ACO1: variants seen among roughly 807,000 people sequenced by gnomAD.
ACO1 encodes aconitase 1, also known as cytoplasmic aconitate hydratase.
ACO1 carries 78 observed loss-of-function variants against 105.1 expected under a neutral mutation model. That is an observed-to-expected ratio of 0.74 (90% CI 0.62 to 0.90). The LOEUF (loss-of-function observed/expected upper bound fraction) is 0.90, where lower values mean the gene tolerates loss of function less well. ACO1 is among the 40% of genes least tolerant of loss of function. The pLI, the probability that ACO1 is intolerant of heterozygous loss-of-function variation, is 0.00. For missense variants in ACO1, 965 were observed against 1,111.1 expected, an observed-to-expected ratio of 0.87 and a Z score of 1.87; for synonymous variants, 364 against 397.4, an observed-to-expected ratio of 0.92 and a Z score of 1.00.
In ACO1 at chr9:32,424,602, G is replaced by T; in HGVS notation, c.1125G>T (p.Arg375Ser). ...TGCCTTGCTGTAGTGGACCCAAAAG[G>T]CCTCAGGACAAAGTTGCTGTGTCCG... ...TVVPCCSGPKRPQDKVAVSDM... is the reference protein window; with the variant it reads ...TVVPCCSGPKSPQDKVAVSDM... Residue 375 changes from arginine (R) to serine (S), a missense_variant, in exon 10 of 21, where the codon AGG becomes AGT. By Grantham distance (110) the Arg-to-Ser change is moderately radical. Coordinates refer to ENST00000309951, the MANE Select transcript of ACO1 (RefSeq NM_002197.3). The T allele has an allele frequency of 6.2e-7, 1 of 1,614,058 alleles. No individual in the cohort carries two copies.
intron 1 of ACO1, among the ~76,000 whole-genome samples, chr9:32,389,451 C>G (rs72549182): frequency 0.025 from 3,820 of 152,232 alleles, 63 homozygotes; most frequent in Non-Finnish European, 0.026. Flanking sequence ...TGTCTTACCA[C>G]CAGCTTACCT....
At chr9:32,411,838 G>A (rs1433478534) in intron 4 of ACO1, among the ~76,000 whole-genome samples, 1 of 151,970 alleles carries the variant, frequency 6.6e-6, no homozygotes, top group Non-Finnish European at 1.5e-5. Flanking sequence ...CTTTGTCCTG[G>A]AATTCCTACT....
chr9:32,428,590 G>T (rs138924046), intron 12 of ACO1, among the ~76,000 whole-genome samples: 1,871 of 152,154 alleles, frequency 0.012, 44 homozygotes, highest in African/African-American at 0.043. Flanking sequence ...TGTAATCCCA[G>T]CACTTTGGGA....
intron 19 of ACO1, among the ~76,000 whole-genome samples, chr9:32,443,410 T>C (rs1822525424): frequency 1.3e-5 from 2 of 152,290 alleles, no homozygotes; most frequent in South Asian, 2.1e-4. Context: ...TGAGGGCCTA[T>C]AAAAGTCCAC....
At chr9:32,395,511 A>G (rs893438750) in intron 1 of ACO1, among the ~76,000 whole-genome samples, 1 of 152,144 alleles carries the variant, frequency 6.6e-6, no homozygotes, top group Non-Finnish European at 1.5e-5. Context: ...ACTTAGATGC[A>G]GTAGGGCTTA....
chr9:32,390,890 C>A (rs1821253384), intron 1 of ACO1, among the ~76,000 whole-genome samples: 1 of 152,110 alleles, frequency 6.6e-6, no homozygotes, highest in Non-Finnish European at 1.5e-5. Context: ...TCTAATCATA[C>A]AATGCATCCC....
chr9:32,400,253 A>G (rs7049207), intron 1 of ACO1, among the ~76,000 whole-genome samples: 145,867 of 152,052 alleles, frequency 0.96, 70,147 homozygotes, highest in Non-Finnish European at 1. Flanking sequence ...TTACAGGTGT[A>G]AGCCACTGCG....
Position 32,450,552 on chromosome 9 carries a change from T to C in ACO1, c.*441T>C, listed in dbSNP as rs1822741727. 3.8e-6 allele frequency: 1 copy of C among 265,002 alleles called. No individual in the cohort carries two copies. The highest frequency in any genetic ancestry group is 2.3e-5 in the African/African-American group (1 of 44,248). 16.4% of individuals were successfully genotyped at this position (265,002 alleles called of 1,614,324 possible). A position where few individuals can be genotyped will look rare whatever the true frequency, so the allele number is the denominator to read the frequency against. ...GTCATTTTCCTTTCTGTATTAATTA[T>C]ACCAGTGTTAAGTGACATAGATAAG... On this transcript the variant is annotated 3_prime_UTR_variant, in exon 21 of 21. Transcript: ENST00000309951.
intron 15 of ACO1, among the ~76,000 whole-genome samples, chr9:32,433,064 C>G (rs1017468700): frequency 1.3e-5 from 2 of 152,116 alleles, no homozygotes; most frequent in African/African-American, 2.4e-5. Context: ...TGGCTTCCAT[C>G]AGAGCAAGAG....
At chr9:32,430,949 T>C (rs1023139903) in intron 14 of ACO1, among the ~76,000 whole-genome samples, 2 of 152,198 alleles carry the variant, frequency 1.3e-5, no homozygotes, top group African/African-American at 4.8e-5. Context: ...GATACATCAT[T>C]TCCTTTCCCC....
intron 4 of ACO1, among the ~76,000 whole-genome samples, chr9:32,413,586 C>T (rs2118438592): frequency 6.6e-6 from 1 of 151,926 alleles, no homozygotes; most frequent in South Asian, 2.1e-4. Flanking sequence ...GATCTCTCTC[C>T]TCATTTTTGT....
intron 1 of ACO1, among the ~76,000 whole-genome samples, chr9:32,405,078 A>G (rs1821578787): frequency 6.6e-6 from 1 of 152,066 alleles, no homozygotes; most frequent in South Asian, 2.1e-4. Context: ...CTCTCTCCCA[A>G]CAAATGGCAG....
rs1822429806 is a variant in ACO1, at chr9:32,439,351, G to A, written c.2248-1114G>A. Among the ~76,000 whole-genome samples the A allele has an allele frequency of 6.6e-6, 1 of 152,120 alleles. No individual in the cohort carries two copies. The highest frequency in any genetic ancestry group is 1.9e-4 in the East Asian group (1 of 5,194). ...GCTGAAGACATACAGAATCCTATCC[G>A]GGTTTAGGTAATGCATGCGAAATTA... On this transcript the variant is annotated intron_variant, in intron 18 of 20. Coordinates refer to ENST00000309951, the MANE Select transcript of ACO1 (RefSeq NM_002197.3). This position sits in a 1 kb window ranked among gnomAD's most constrained non-coding sequence, Gnocchi z 4.0.
At chr9:32,420,272 C>A (rs1007800319) in intron 7 of ACO1, among the ~76,000 whole-genome samples, 2 of 135,328 alleles carry the variant, frequency 1.5e-5, no homozygotes, top group South Asian at 2.7e-4. Flanking sequence ...GCTCATTACG[C>A]CTTTGAAAAG....
At position 32,451,628 on chromosome 9, in the gene ACO1, A is replaced by T. The variant is rs1822768670; in HGVS notation, c.*1517A>T. Reference sequence around the variant, plus strand: ...ATTTTTAATGTCAACCTTAGCACTCAGGGGATATGGCCTGGTCATCAGAAC... The same window carrying T: ...ATTTTTAATGTCAACCTTAGCACTCTGGGGATATGGCCTGGTCATCAGAAC... On this transcript the variant is annotated 3_prime_UTR_variant, in exon 21 of 21. Transcript: ENST00000309951. The T allele has an allele frequency of 6.6e-6, 1 of 152,356 alleles. No individual in the cohort carries two copies. Among genetic ancestry groups the T allele is most frequent in the African/African-American group, 2.4e-5 (1 of 41,576 alleles). 9.4% of individuals were successfully genotyped at this position (152,356 alleles called of 1,614,324 possible).
chr9:32,418,929 A>C, intron 6 of ACO1, 109 bp from the exon 7 acceptor site: 1 of 1,305,166 alleles, frequency 7.7e-7, no homozygotes, highest in Non-Finnish European at 1.0e-6. Context: ...CTCTGCACCA[A>C]TTAAACGTTG....
At chr9:32,428,855 A>AT (rs1822161896) in intron 12 of ACO1, among the ~76,000 whole-genome samples, 1 of 152,002 alleles carries the variant, frequency 6.6e-6, no homozygotes, top group African/African-American at 2.4e-5. Flanking sequence ...AAAAAAAAAA[A>AT]GTCAGCGTGA....
chr9:32,445,995 T>C lies in ACO1; in HGVS notation c.2371-2901T>C, dbSNP rs143934876. On this transcript the variant is annotated intron_variant, in intron 19 of 20. Coordinates refer to ENST00000309951, the MANE Select transcript of ACO1 (RefSeq NM_002197.3). ...AGAGACAGGTTGTTATGATTTCCAT[T>C]CTTTTGTGTATGCTGAGGAGTGTTT... Among the ~76,000 whole-genome samples the C allele has an allele frequency of 2.6e-3, 397 of 152,356 alleles. 1 individual carries two copies. Among genetic ancestry groups the C allele is most frequent in the Middle Eastern group, 0.01 (3 of 294 alleles).
At chr9:32,401,725 C>T (rs10813810) in intron 1 of ACO1, among the ~76,000 whole-genome samples, 43,100 of 152,100 alleles carry the variant, frequency 0.28, 6,978 homozygotes, top group Non-Finnish European at 0.37. Flanking sequence ...TCCTCCCACC[C>T]TTTTACTGGG....
Sources: gnomAD v4.1 joint callset for allele counts (sites outside exome capture counted in the v4.1 genomes callset) on GRCh38, gnomAD v4.1.1 for gene constraint, Gnocchi (gnomAD v3.1) non-coding constraint, MANE v1.5 for transcripts, NCBI Gene and HGNC (gene_info 2026-07-23, HGNC 2026-07-21) for gene names.